ZNF236: variants seen among roughly 807,000 people sequenced by gnomAD.
ZNF236 encodes regulated by glucose.
ZNF236 carries 50 observed loss-of-function variants against 191.2 expected under a neutral mutation model. The ratio of observed to expected loss-of-function variants is 0.26; its 90% CI spans 0.21 to 0.33. ZNF236 has a LOEUF of 0.33. Ranked by LOEUF, ZNF236 falls within the 10% of genes least tolerant of loss-of-function variation. The pLI is 1.00. For synonymous variants in ZNF236, 907 were observed against 928.8 expected (o/e 0.98, Z 0.43); for missense variants, 1,754 against 2,374.5 (o/e 0.74, Z 5.43).
At chr18:76,962,517 T>G (rs377153597) in intron 30 of ZNF236, among the ~76,000 whole-genome samples, 2 of 152,244 alleles carry the variant, frequency 1.3e-5, no homozygotes, top group African/African-American at 4.8e-5. Context: ...TTCTTTTTGC[T>G]TAGTCTTACT....
intron 19 of ZNF236, among the ~76,000 whole-genome samples, chr18:76,918,872 T>C (rs1051342196): frequency 5.9e-5 from 9 of 152,142 alleles, no homozygotes; most frequent in African/African-American, 2.2e-4. Flanking sequence ...GCCAGTATAG[T>C]GTATCGTTTA....
chr18:76,944,392 A>T (rs561059044), intron 26 of ZNF236, among the ~76,000 whole-genome samples: 128 of 152,360 alleles, frequency 8.4e-4, no homozygotes, highest in Non-Finnish European at 1.6e-3. Flanking sequence ...CCTTTAGATT[A>T]TATTGTTTTA....
intron 25 of ZNF236, among the ~76,000 whole-genome samples, chr18:76,935,782 G>A (rs1005039138): frequency 6.6e-6 from 1 of 152,206 alleles, no homozygotes; most frequent in African/African-American, 2.4e-5. Flanking sequence ...CAGCTATTAG[G>A]TCAGCTGCTG....
intron 9 of ZNF236, among the ~76,000 whole-genome samples, chr18:76,891,383 G>T (rs1188744758): frequency 1.3e-5 from 2 of 149,460 alleles, no homozygotes; most frequent in African/African-American, 2.5e-5. Flanking sequence ...AATTTAATAG[G>T]TTTTTTTTTT....
intron 14 of ZNF236, among the ~76,000 whole-genome samples, chr18:76,908,963 CTGTGTGTG>C (rs10524379): frequency 0.025 from 3,720 of 147,168 alleles, 64 homozygotes; most frequent in African/African-American, 0.049. Flanking sequence ...ATGTGTGTGT[CTGTGTGTG>C]TGTGTGTGTG....
At chr18:76,949,361 C>T (rs1025981631) in intron 27 of ZNF236, among the ~76,000 whole-genome samples, 5 of 152,034 alleles carry the variant, frequency 3.3e-5, no homozygotes, top group Non-Finnish European at 7.4e-5. Flanking sequence ...TGATATATTC[C>T]GTTTTAACTT....
chr18:76,926,916 A>G (rs1350782096), intron 22 of ZNF236, 121 bp from the exon 23 acceptor site: 1 of 1,187,272 alleles, frequency 8.4e-7, no homozygotes, highest in Non-Finnish European at 1.2e-6. Context: ...CCACAACAAC[A>G]TTGTATTGAC....
intron 27 of ZNF236, among the ~76,000 whole-genome samples, chr18:76,953,272 C>T (rs1253248006): frequency 3.3e-5 from 5 of 152,184 alleles, no homozygotes; most frequent in Non-Finnish European, 7.3e-5. Context: ...AGAGGGGAGC[C>T]GCTGCAGCAA....
chr18:76,822,807 G>A (rs1331610844), intron 1 of ZNF236, 145 bp downstream of exon 1: 3 of 145,772 alleles, frequency 2.1e-5, no homozygotes, highest in East Asian at 4.0e-4. Flanking sequence ...CGCCGCCGCC[G>A]ACTGGCCGGG....
rs774649703 is a variant in ZNF236 at position 76,923,193 on chromosome 18, C to T, written c.3661+19C>T. ...CACACAGGTAAGGAAAACATGCCTG[C>T]GTCATTGGTAGAGGTCTTAGGATAG... On this transcript the variant is annotated intron_variant, in intron 21 of 30. Transcript: ENST00000320610. The T allele has an allele frequency of 2.0e-5, 30 of 1,507,272 alleles. No individual in the cohort carries two copies. The highest frequency in any genetic ancestry group is 1.7e-4 in the Middle Eastern group (1 of 5,878). The allele number at this position is 1,507,272 out of a possible 1,614,324, so 93.4% of individuals were successfully genotyped here. A position where few individuals can be genotyped will look rare whatever the true frequency, so the allele number is the denominator to read the frequency against.
chr18:76,942,236 T>C (rs1298208267), intron 26 of ZNF236, among the ~76,000 whole-genome samples: 1 of 152,168 alleles, frequency 6.6e-6, no homozygotes, highest in Non-Finnish European at 1.5e-5. Flanking sequence ...AGAGATCCAA[T>C]GTGAAGAAAT....
At chr18:76,897,786 A>C (rs1189941193) in intron 10 of ZNF236, among the ~76,000 whole-genome samples, 1 of 152,190 alleles carries the variant, frequency 6.6e-6, no homozygotes. Context: ...TGCACACAGT[A>C]CTGCACACAG....
intron 1 of ZNF236, among the ~76,000 whole-genome samples, chr18:76,848,815 G>GC (rs1975776822): frequency 6.6e-6 from 1 of 152,110 alleles, no homozygotes; most frequent in Non-Finnish European, 1.5e-5. Context: ...ACAAATACGT[G>GC]CCGCCATGCC....
At chr18:76,904,655 T>C in intron 12 of ZNF236, 134 bp downstream of exon 12, 1 of 683,106 alleles carries the variant, frequency 1.5e-6, no homozygotes, top group Non-Finnish European at 2.1e-6. Flanking sequence ...CCAAAACATT[T>C]ATTGGTAATT....
chr18:76,844,537 G>C (rs1975620124), intron 1 of ZNF236, among the ~76,000 whole-genome samples: 1 of 152,186 alleles, frequency 6.6e-6, no homozygotes, highest in Admixed American at 6.5e-5. Flanking sequence ...AACATAAAAA[G>C]CTTGGGGGTT....
chr18:76,871,490 A>G (rs781715279), intron 4 of ZNF236, among the ~76,000 whole-genome samples: 12 of 152,094 alleles, frequency 7.9e-5, no homozygotes, highest in Non-Finnish European at 1.3e-4. Context: ...GAAAAAACAA[A>G]TTTTTTTTCA....
At chr18:76,967,414 A>C (rs62103951) in intron 30 of ZNF236, among the ~76,000 whole-genome samples, 2 of 27,696 alleles carry the variant, frequency 7.2e-5, no homozygotes, top group Admixed American at 4.4e-4. Context: ...AGGTGGTGTG[A>C]TCTGTGAGGT....
Position 76,881,379 on chromosome 18 carries a change from C to T in ZNF236, c.1284C>T (p.Asn428=). Residue 428 remains asparagine (N), a synonymous_variant, in exon 9 of 31, where the codon AAC becomes AAT. Transcript: ENST00000320610. ...HAKTSAPHAQ[N]PDVSSVSNEQ... is the part of the protein sequence containing the mutation. ...AGACCTCTGCACCACACGCTCAAAA[C>T]CCAGATGTTTCCAGCGTTTCAAATG... 2 of 1,614,084 alleles carry T rather than the reference C, an allele frequency of 1.2e-6. No homozygotes were observed. The highest frequency in any genetic ancestry group is 2.2e-5 in the East Asian group (1 of 44,872).
intron 10 of ZNF236, 93 bp from the exon 11 acceptor site, chr18:76,898,926 T>A: frequency 9.3e-7 from 1 of 1,077,432 alleles, no homozygotes; most frequent in Non-Finnish European, 1.4e-6. Flanking sequence ...AAGGTTCAAA[T>A]CAGTATTGGA....
Sources: allele counts gnomAD v4.1 joint callset (sites outside exome capture counted in the v4.1 genomes callset), GRCh38; gene constraint gnomAD v4.1.1; transcripts MANE v1.5; gene names NCBI Gene and HGNC (gene_info 2026-07-23, HGNC 2026-07-21).